The following RALGAPA2 variants were observed in gnomAD, a reference collection of about 807,000 sequenced individuals.
The protein encoded by RALGAPA2 is Ral GTPase activating protein catalytic subunit alpha 2, also known as ral GTPase-activating protein subunit alpha-2.
Under a neutral mutation model 230.4 loss-of-function variants are expected in RALGAPA2, and 139 were observed. The ratio of observed to expected loss-of-function variants is 0.60; its 90% confidence interval spans 0.53 to 0.69. The LOEUF (loss-of-function observed/expected upper bound fraction) is 0.69, where lower values mean the gene tolerates loss of function less well. Ranked by LOEUF, RALGAPA2 falls within the 30% of genes least tolerant of loss-of-function variation. The pLI is 0.00. For missense variants in RALGAPA2, 2,163 were observed against 2,276.0 expected, an observed-to-expected ratio of 0.95 and a Z score of 1.01; for synonymous variants, 847 against 837.8, an observed-to-expected ratio of 1.01 and a Z score of -0.19.
intron 7 of RALGAPA2, 101 bp downstream of exon 7, chr20:20,639,684 G>A: frequency 1.2e-6 from 1 of 862,662 alleles, no homozygotes; most frequent in African/African-American, 1.7e-5. Context: ...CAAAGAAAAA[G>A]AAAGAGGAAA....
chr20:20,666,772 C>T (rs6137093), intron 3 of RALGAPA2, among the ~76,000 whole-genome samples: 2,485 of 152,292 alleles, frequency 0.016, 94 homozygotes, highest in East Asian at 0.14. Flanking sequence ...CTGTAGGACA[C>T]CGAGCCTGAA....
At chr20:20,536,495 T>C (rs1308579847) in intron 25 of RALGAPA2, among the ~76,000 whole-genome samples, 161 bp downstream of exon 25, 1 of 152,206 alleles carries the variant, frequency 6.6e-6, no homozygotes, top group Non-Finnish European at 1.5e-5. Context: ...AACACATGCA[T>C]AGCCCATGAA....
intron 36 of RALGAPA2, among the ~76,000 whole-genome samples, chr20:20,481,266 C>T (rs925400828): frequency 2.0e-5 from 3 of 152,188 alleles, no homozygotes; most frequent in Non-Finnish European, 2.9e-5. Context: ...ATCTGAAATA[C>T]CCATTTGATT....
intron 37 of RALGAPA2, among the ~76,000 whole-genome samples, chr20:20,448,047 C>T (rs969443025): frequency 6.6e-6 from 1 of 152,136 alleles, no homozygotes; most frequent in Non-Finnish European, 1.5e-5. Flanking sequence ...TTCATTTTTT[C>T]CAATGTATTA....
Position 20,591,204 on chromosome 20 carries a change from C to T in RALGAPA2, c.2314G>A (p.Glu772Lys), listed in dbSNP as rs376271239. The T allele has an allele frequency of 3.7e-5, 60 of 1,613,794 alleles. No homozygotes were observed. Among genetic ancestry groups the T allele is most frequent in the African/African-American group, 1.2e-4 (9 of 74,992 alleles). Residue 772 changes from glutamate (E) to lysine (K), a missense_variant, in exon 17 of 40, where the codon GAG becomes AAG. Transcript: ENST00000202677. ...LRSSSTSDIP[E>K]PLCSDSSQGQ... ...TGAGAAGAATCTGAGCACAGCGGCT[C>T]GGGGATGTCGGAGGTGCTGCTGCTC...
At chr20:20,468,364 C>T (rs542187540) in intron 37 of RALGAPA2, among the ~76,000 whole-genome samples, 1 of 152,316 alleles carries the variant, frequency 6.6e-6, no homozygotes, top group East Asian at 1.9e-4. Context: ...TCCATTCTGG[C>T]TGCCGCTCTT....
At chr20:20,400,373 A>G (rs1039723530) in intron 38 of RALGAPA2, among the ~76,000 whole-genome samples, 1 of 152,184 alleles carries the variant, frequency 6.6e-6, no homozygotes, top group African/African-American at 2.4e-5. Flanking sequence ...ACAGCTGGAC[A>G]GGAAGGGAGG....
intron 10 of RALGAPA2, among the ~76,000 whole-genome samples, chr20:20,623,942 T>C (rs964036345): frequency 8.5e-5 from 13 of 152,138 alleles, no homozygotes; most frequent in African/African-American, 3.1e-4. Flanking sequence ...TCTTCTGATT[T>C]TTATGTCTAG....
intron 1 of RALGAPA2, among the ~76,000 whole-genome samples, chr20:20,690,360 C>T (rs6106277): frequency 2.6e-5 from 4 of 152,034 alleles, no homozygotes; most frequent in Non-Finnish European, 4.4e-5. Context: ...CATGAGCTGC[C>T]TAAGAAACCA....
intron 37 of RALGAPA2, among the ~76,000 whole-genome samples, chr20:20,412,842 G>A (rs959744676): frequency 2.0e-5 from 3 of 152,194 alleles, no homozygotes; most frequent in Non-Finnish European, 2.9e-5. Flanking sequence ...ACTTACAAGC[G>A]TAACACACTG....
At chr20:20,418,210 ATGG>A (rs1306435511) in intron 37 of RALGAPA2, among the ~76,000 whole-genome samples, 2 of 152,240 alleles carry the variant, frequency 1.3e-5, no homozygotes, top group African/African-American at 2.4e-5. Context: ...TACTAGAAAG[ATGG>A]GCAACCAAGA....
At chr20:20,427,636 A>G (rs1386822535) in intron 37 of RALGAPA2, among the ~76,000 whole-genome samples, 1 of 152,034 alleles carries the variant, frequency 6.6e-6, no homozygotes, top group African/African-American at 2.4e-5. Flanking sequence ...CACCGTTACC[A>G]TGCACCTGCT....
At position 20,640,833 on chromosome 20, in the gene RALGAPA2, G is replaced by A. The variant is rs1184988107; in HGVS notation, c.418C>T (p.Leu140Phe). 4 of 1,613,700 alleles carry A rather than the reference G, an allele frequency of 2.5e-6. No homozygotes were observed. The highest frequency in any genetic ancestry group is 3.4e-6 in the Non-Finnish European group (4 of 1,179,828). Residue 140 changes from leucine (L) to phenylalanine (F), a missense_variant, in exon 6 of 40, where the codon CTT (leucine) becomes TTT (phenylalanine). Transcript: ENST00000202677. ...IRLFLLWLQA[L>F]QTNCAEEQVL... Reference sequence around the variant, plus strand: ...TGCTCTTCTGCACAGTTTGTCTGAAGTGCTTGAAGCCACAGAAGAAACAGC... The same window carrying A: ...TGCTCTTCTGCACAGTTTGTCTGAAATGCTTGAAGCCACAGAAGAAACAGC...
chr20:20,620,469 G>A lies in RALGAPA2; in HGVS notation c.1395C>T (p.Ser465=). 6.2e-7 allele frequency: 1 copy of A among 1,613,112 alleles called. No individual in the cohort carries two copies. The highest frequency in any genetic ancestry group is 1.3e-5 in the African/African-American group (1 of 74,960). The change falls in exon 11 of 40, where the codon AGC becomes AGT. Residue 465 remains serine, a synonymous_variant. Transcript: ENST00000202677. ...AEKLGFSETD[S]KEASSESSGH... ...GACAAGTGAAAAAAATTACCTCCTT[G>A]CTATCAGTCTCGGAAAATCCTAATT... is the stretch of plus-strand genomic sequence containing the variant.
At chr20:20,652,696 C>T (rs1001422216) in intron 4 of RALGAPA2, among the ~76,000 whole-genome samples, 3 of 152,158 alleles carry the variant, frequency 2.0e-5, no homozygotes, top group Admixed American at 1.3e-4. Flanking sequence ...CTGTTTAAAA[C>T]GGAAGGCAGA....
intron 27 of RALGAPA2, among the ~76,000 whole-genome samples, chr20:20,530,310 C>T (rs964665888): frequency 6.6e-6 from 1 of 152,222 alleles, no homozygotes; most frequent in African/African-American, 2.4e-5. Context: ...GCTGGAGGGA[C>T]ACTCTTCTGT....
At position 20,605,775 on chromosome 20, in the gene RALGAPA2, C is replaced by T. The variant is rs1192055120; in HGVS notation, c.1801-363G>A. ...TACTTCAAACCTCCTACAGGAAAACCGCCAGCCCACCAAATCCTCCCTGAC... is the reference window on the plus strand; with the variant it reads ...TACTTCAAACCTCCTACAGGAAAACTGCCAGCCCACCAAATCCTCCCTGAC... On this transcript the variant is annotated intron_variant, in intron 14 of 39. Transcript: ENST00000202677. Among the ~76,000 whole-genome samples, 7 of 152,226 alleles carry T rather than the reference C, an allele frequency of 4.6e-5. No individual in the cohort carries two copies. In the South Asian group the frequency reaches 6.2e-4, roughly 14 times the overall value.
rs115312311 is a variant in RALGAPA2, at chr20:20,459,630, C to A, written c.5495+13199G>T. On this transcript the variant is annotated intron_variant, in intron 37 of 39. Transcript: ENST00000202677. The stretch of plus-strand genomic sequence containing the variant: ...AGCATGCTGTTCACCAAGACCCTTG[C>A]GCCCTGAAAAAATGCCTTAGCACCC... 3.9e-3 allele frequency among the ~76,000 whole-genome samples: 591 copies of A among 151,844 alleles called. 4 individuals are homozygous for A. The highest frequency in any genetic ancestry group is 0.014 in the African/African-American group (563 of 41,394).
At chr20:20,559,091 T>C (rs2064175730) in intron 23 of RALGAPA2, among the ~76,000 whole-genome samples, 2 of 152,218 alleles carry the variant, frequency 1.3e-5, no homozygotes, top group Admixed American at 1.3e-4. Flanking sequence ...ATGATTATTA[T>C]CCATTCTTTT....
Sources: allele counts gnomAD v4.1 joint callset (sites outside exome capture counted in the v4.1 genomes callset), GRCh38; gene constraint gnomAD v4.1.1; transcripts MANE v1.5; gene names NCBI Gene and HGNC (gene_info 2026-07-23, HGNC 2026-07-21).